Variants in LDLRAD3 observed in about 807,000 individuals in gnomAD.
The protein encoded by LDLRAD3 is low-density lipoprotein receptor class A domain-containing protein 3.
LDLRAD3 carries 20 observed loss-of-function variants against 29.4 expected under a neutral mutation model. The ratio of observed to expected loss-of-function variants is 0.68; its 90% CI spans 0.48 to 0.99. The LOEUF is 0.99. Among genes scored for constraint, LDLRAD3 ranks in the 50% least tolerant of loss-of-function variants. The pLI is 0.00. For synonymous variants in LDLRAD3, 157 were observed against 192.7 expected, an observed-to-expected ratio of 0.81 and a Z score of 1.53; for missense variants, 420 against 454.3, an observed-to-expected ratio of 0.92 and a Z score of 0.69.
At chr11:36,092,879 C>T (rs1853304131) in intron 3 of LDLRAD3, among the ~76,000 whole-genome samples, 1 of 152,222 alleles carries the variant, frequency 6.6e-6, no homozygotes, top group African/African-American at 2.4e-5. Flanking sequence ...GGTTGGGAGG[C>T]ATTTTTCTGT....
chr11:36,045,726 T>A (rs953934222), intron 2 of LDLRAD3, among the ~76,000 whole-genome samples: 2 of 151,864 alleles, frequency 1.3e-5, no homozygotes, highest in African/African-American at 4.8e-5. Context: ...TGATGGGTTT[T>A]TTTTTTTTTT....
intron 1 of LDLRAD3, among the ~76,000 whole-genome samples, chr11:36,005,468 C>T (rs1851872777): frequency 6.6e-6 from 1 of 152,228 alleles, no homozygotes; most frequent in African/African-American, 2.4e-5. Flanking sequence ...ACCACCTCAG[C>T]CCGGACTTCA....
At chr11:36,190,671 G>T (rs1854927449) in intron 4 of LDLRAD3, among the ~76,000 whole-genome samples, 1 of 152,020 alleles carries the variant, frequency 6.6e-6, no homozygotes, top group Admixed American at 6.6e-5. Flanking sequence ...AGAAATTGAA[G>T]AAAATGCTCC....
At chr11:36,223,572 T>C (rs1364972348) in intron 4 of LDLRAD3, among the ~76,000 whole-genome samples, 2 of 152,104 alleles carry the variant, frequency 1.3e-5, no homozygotes, top group Admixed American at 6.6e-5. Flanking sequence ...TTACAAAATA[T>C]GCAAACATTA....
At chr11:35,959,018 C>T (rs1008502959) in intron 1 of LDLRAD3, among the ~76,000 whole-genome samples, 23 of 152,216 alleles carry the variant, frequency 1.5e-4, no homozygotes, top group African/African-American at 5.5e-4. Context: ...GGCCTTGCCA[C>T]ACGGGTGAAC....
At chr11:36,139,305 A>T (rs1287305394) in intron 4 of LDLRAD3, among the ~76,000 whole-genome samples, 1 of 152,192 alleles carries the variant, frequency 6.6e-6, no homozygotes, top group African/African-American at 2.4e-5. Flanking sequence ...TGCCTTCTCC[A>T]TGAAGACTTC....
At chr11:36,021,767 G>A (rs1590210672) in intron 1 of LDLRAD3, among the ~76,000 whole-genome samples, 2 of 152,184 alleles carry the variant, frequency 1.3e-5, no homozygotes, top group African/African-American at 4.8e-5. Flanking sequence ...TCAGCCTCCT[G>A]AGTAGCTGTG....
chr11:35,951,690 G>A (rs985581498), intron 1 of LDLRAD3, among the ~76,000 whole-genome samples: 1 of 152,146 alleles, frequency 6.6e-6, no homozygotes, highest in Non-Finnish European at 1.5e-5. Context: ...CTGCCTCTTT[G>A]TGTATACACA....
chr11:36,118,934 TATATA>T (rs1424261613), intron 4 of LDLRAD3, among the ~76,000 whole-genome samples: 1 of 152,264 alleles, frequency 6.6e-6, no homozygotes, highest in African/African-American at 2.4e-5. Context: ...GTGATAGAGT[TATATA>T]ATATGTGTTC....
intron 4 of LDLRAD3, among the ~76,000 whole-genome samples, chr11:36,147,929 G>A (rs1184949656): frequency 6.6e-6 from 1 of 152,044 alleles, no homozygotes; most frequent in Non-Finnish European, 1.5e-5. Context: ...GGAGTGCAGT[G>A]GTGCAATCCT....
chr11:36,056,989 C>T (rs1852630925), intron 2 of LDLRAD3, among the ~76,000 whole-genome samples: 1 of 152,162 alleles, frequency 6.6e-6, no homozygotes, highest in Non-Finnish European at 1.5e-5. Flanking sequence ...CAAACAACCC[C>T]CCAGGTGACT....
chr11:36,109,496 T>C (rs1007271025), intron 4 of LDLRAD3, among the ~76,000 whole-genome samples: 8 of 152,176 alleles, frequency 5.3e-5, no homozygotes, highest in Non-Finnish European at 1.2e-4. Context: ...TTTGTGGAAC[T>C]AGAGAATCTG....
intron 2 of LDLRAD3, among the ~76,000 whole-genome samples, chr11:36,043,351 T>A (rs1465937433): frequency 6.6e-6 from 1 of 152,176 alleles, no homozygotes; most frequent in Non-Finnish European, 1.5e-5. Flanking sequence ...GAATGATAGC[T>A]TCCTGCAGCT....
intron 2 of LDLRAD3, among the ~76,000 whole-genome samples, chr11:36,076,716 C>G (rs1169150754): frequency 6.6e-6 from 1 of 152,216 alleles, no homozygotes; most frequent in African/African-American, 2.4e-5. Context: ...TTTGCAACTT[C>G]TTTCTCTGAC....
intron 1 of LDLRAD3, among the ~76,000 whole-genome samples, chr11:35,958,134 G>A (rs1251540039): frequency 1.3e-5 from 2 of 152,186 alleles, no homozygotes; most frequent in African/African-American, 4.8e-5. Flanking sequence ...GTGTTCTCCA[G>A]TAAGGTGGCC....
intron 2 of LDLRAD3, among the ~76,000 whole-genome samples, chr11:36,038,201 G>A (rs1306200591): frequency 2.6e-5 from 4 of 152,078 alleles, no homozygotes; most frequent in South Asian, 2.1e-4. Flanking sequence ...CACCAAGCCC[G>A]GCCTGCAGAA....
chr11:35,990,675 C>T (rs1311883436), intron 1 of LDLRAD3, among the ~76,000 whole-genome samples: 1 of 151,996 alleles, frequency 6.6e-6, no homozygotes, highest in African/African-American at 2.4e-5. Flanking sequence ...CTCGGCCTCC[C>T]AAAGTGCTGG....
At chr11:36,151,772 GC>G (rs1854281652) in intron 4 of LDLRAD3, among the ~76,000 whole-genome samples, 1 of 152,160 alleles carries the variant, frequency 6.6e-6, no homozygotes, top group Non-Finnish European at 1.5e-5. Flanking sequence ...ATTCTACCAA[GC>G]AGGCTAGACT....
At chr11:36,136,230 C>T (rs973287911) in intron 4 of LDLRAD3, among the ~76,000 whole-genome samples, 5 of 152,148 alleles carry the variant, frequency 3.3e-5, no homozygotes, top group African/African-American at 1.2e-4. Context: ...CCTGAGTGCC[C>T]ACTGTGCACC....
Sources: gnomAD v4.1 joint callset for allele counts (sites outside exome capture counted in the v4.1 genomes callset) on GRCh38, gnomAD v4.1.1 for gene constraint, MANE v1.5 for transcripts, NCBI Gene and HGNC (gene_info 2026-07-23, HGNC 2026-07-21) for gene names.